The following PTAFR variants were observed in gnomAD, a reference collection of about 807,000 sequenced individuals.
PTAFR encodes the protein platelet-activating factor receptor.
A neutral mutation model predicts 14.7 loss-of-function variants in PTAFR; 8 were observed. The observed-to-expected ratio is 0.54, with a 90% CI of 0.32 to 0.98. The LOEUF is 0.98. Among genes scored for constraint, PTAFR ranks in the 50% least tolerant of loss-of-function variants. The pLI is 0.04. For synonymous variants in PTAFR, 156 were observed against 176.5 expected (o/e 0.88, Z 0.92); for missense variants, 337 against 451.2 (o/e 0.75, Z 2.29).
chr1:28,162,829 CAAAAAAAAA>C (rs529755155), intron 1 of PTAFR, among the ~76,000 whole-genome samples: 15 of 59,158 alleles, frequency 2.5e-4, no homozygotes, highest in East Asian at 1.5e-3. Flanking sequence ...ACTTTGTCTC[CAAAAAAAAA>C]AAAAAAAAAA....
rs1447492004 is a variant in PTAFR, at chr1:28,150,168, T to C, written c.854A>G (p.Asn285Ser). The change falls in exon 2 of 2, where the codon AAC (asparagine) becomes AGC (serine). Residue 285 changes from asparagine to serine, a missense_variant. Transcript: ENST00000373857. This position sits in a 1 kb window ranked among gnomAD's most constrained non-coding sequence, Gnocchi z 6.3. ...GTAGATAACAGGGTCTAAGACACAG[T>C]TGGTGCTAAGGAGGCAGAGGGTGAC... ...HQVTLCLLST[N>S]CVLDPVIYCF... is the part of the protein sequence containing the mutation. 8 of 1,614,082 alleles carry C rather than the reference T, an allele frequency of 5.0e-6. No individual in the cohort carries two copies. The highest frequency in any genetic ancestry group is 2.2e-5 in the East Asian group (1 of 44,884).
At chr1:28,186,145 T>C (rs1179709675) in intron 1 of PTAFR, among the ~76,000 whole-genome samples, 1 of 152,006 alleles carries the variant, frequency 6.6e-6, no homozygotes, top group Non-Finnish European at 1.5e-5. Context: ...CTCGGCTAAT[T>C]TTTTTGTTTT....
intron 1 of PTAFR, among the ~76,000 whole-genome samples, chr1:28,158,034 C>T (rs1327019413): frequency 6.6e-6 from 1 of 152,208 alleles, no homozygotes; most frequent in East Asian, 1.9e-4. Context: ...GTTGGACAAG[C>T]ACTCACAGCT....
chr1:28,155,851 C>T (rs747540274), intron 1 of PTAFR, among the ~76,000 whole-genome samples: 13 of 151,344 alleles, frequency 8.6e-5, no homozygotes, highest in Non-Finnish European at 1.8e-4. Flanking sequence ...CTGGGCAACA[C>T]AGCAAGACCC....
chr1:28,154,180 G>A (rs1055969106), intron 1 of PTAFR, among the ~76,000 whole-genome samples: 4 of 151,218 alleles, frequency 2.6e-5, no homozygotes, highest in Non-Finnish European at 5.9e-5. Flanking sequence ...GTGCTTCCAC[G>A]TGTACTACCT....
chr1:28,190,199 C>T (rs1231448302), intron 1 of PTAFR, among the ~76,000 whole-genome samples: 1 of 149,852 alleles, frequency 6.7e-6, no homozygotes, highest in Non-Finnish European at 1.5e-5. Flanking sequence ...CTCAAACTCC[C>T]GACCTCAGAT....
At chr1:28,180,560 C>T (rs936875583), upstream of PTAFR, among the ~76,000 whole-genome samples, 4 of 152,140 alleles carry the variant, frequency 2.6e-5, no homozygotes, top group Non-Finnish European at 4.4e-5. Context: ...AGGGCAGCCT[C>T]CGGGGCAAGA....
At chr1:28,183,690 C>T (rs750981602) in intron 1 of PTAFR, among the ~76,000 whole-genome samples, 2 of 152,022 alleles carry the variant, frequency 1.3e-5, no homozygotes, top group African/African-American at 4.8e-5. Flanking sequence ...CAACCAGAGG[C>T]TCTTTTGCCC....
intron 1 of PTAFR, among the ~76,000 whole-genome samples, chr1:28,192,916 C>T (rs1183040483): frequency 6.6e-6 from 1 of 152,140 alleles, no homozygotes; most frequent in Non-Finnish European, 1.5e-5. Context: ...TCAGTGTGCT[C>T]TAAGTCCTAG....
intron 1 of PTAFR, among the ~76,000 whole-genome samples, chr1:28,193,250 G>A (rs916437375): frequency 3.3e-5 from 5 of 152,014 alleles, no homozygotes; most frequent in African/African-American, 1.2e-4. Context: ...GTGGGTGGAG[G>A]GTCTTCCGGG....
At chr1:28,190,371 AAG>A (rs1268954004) in intron 1 of PTAFR, among the ~76,000 whole-genome samples, 3 of 152,198 alleles carry the variant, frequency 2.0e-5, no homozygotes, top group African/African-American at 7.2e-5. Flanking sequence ...ACCTCTGGGA[AAG>A]AGGGGGTGGA....
chr1:28,155,443 T>C (rs1169704598), intron 1 of PTAFR, among the ~76,000 whole-genome samples: 1 of 152,166 alleles, frequency 6.6e-6, no homozygotes, highest in East Asian at 1.9e-4. Context: ...ACTCCTGACC[T>C]CATGATCCGC....
chr1:28,184,416 G>T (rs1424839674), intron 1 of PTAFR, among the ~76,000 whole-genome samples: 1 of 151,834 alleles, frequency 6.6e-6, no homozygotes, highest in Non-Finnish European at 1.5e-5. Context: ...ATACAGCAAC[G>T]CGGTTGAACT....
rs1017625674 is a variant in PTAFR, at chr1:28,148,410, A to G, written c.*1583T>C. The G allele has an allele frequency of 2.6e-5, 4 of 152,224 alleles. No individual in the cohort carries two copies. Among genetic ancestry groups the G allele is most frequent in the African/African-American group, 9.7e-5 (4 of 41,430 alleles). The allele number at this position is 152,224 out of a possible 1,614,324, so 9.4% of individuals were successfully genotyped here. A position where few individuals can be genotyped will look rare whatever the true frequency, so the allele number is the denominator to read the frequency against. ...AGGGGCCTCATGTACTTCCCAGCCC[A>G]TGTGCCTGTTCGTATGGAAGCCCCT... On this transcript the variant is annotated 3_prime_UTR_variant, in exon 2 of 2. Transcript: ENST00000373857.
chr1:28,175,099 A>G (rs1373892619), intron 1 of PTAFR, among the ~76,000 whole-genome samples: 1 of 152,038 alleles, frequency 6.6e-6, no homozygotes. Flanking sequence ...TTTTTAGTAG[A>G]GATGGGGTTT....
upstream of PTAFR, among the ~76,000 whole-genome samples, chr1:28,179,024 C>G (rs531779199): frequency 2.6e-5 from 4 of 152,220 alleles, no homozygotes; most frequent in Admixed American, 1.3e-4. Context: ...GAAACAGGCT[C>G]AGTTTGATCA....
At chr1:28,173,289 TA>T (rs1336531693) in intron 1 of PTAFR, among the ~76,000 whole-genome samples, 10 of 57,652 alleles carry the variant, frequency 1.7e-4, no homozygotes, top group African/African-American at 4.8e-4. Flanking sequence ...CTGTGTCTCT[TA>T]AAAAAAAAGG....
chr1:28,181,309 AC>A (rs202233977), upstream of PTAFR, among the ~76,000 whole-genome samples: 619 of 152,326 alleles, frequency 4.1e-3, 7 homozygotes, highest in African/African-American at 0.014. Flanking sequence ...CACCTATAAA[AC>A]AGTCTTGCCA....
chr1:28,186,873 C>T (rs1046283477), intron 1 of PTAFR, among the ~76,000 whole-genome samples: 12 of 152,218 alleles, frequency 7.9e-5, no homozygotes, highest in South Asian at 2.1e-4. Context: ...TGCAGTGAGC[C>T]GAGATCGTGC....
Sources: gnomAD v4.1 joint callset for allele counts (sites outside exome capture counted in the v4.1 genomes callset) on GRCh38, gnomAD v4.1.1 for gene constraint, Gnocchi (gnomAD v3.1) non-coding constraint, MANE v1.5 for transcripts, NCBI Gene and HGNC (gene_info 2026-07-23, HGNC 2026-07-21) for gene names.